Variants in MCM8 observed in about 807,000 individuals in gnomAD.
The protein encoded by MCM8 is DNA helicase MCM8.
MCM8 carries 85 observed loss-of-function variants against 98.9 expected under a neutral mutation model. The ratio of observed to expected loss-of-function variants is 0.86; its 90% CI spans 0.72 to 1.03. The LOEUF is 1.03. MCM8 is among the 50% of genes least tolerant of loss of function. The pLI, the probability that MCM8 is intolerant of heterozygous loss-of-function variation, is 0.00. For missense variants in MCM8, 951 were observed against 997.8 expected, an observed-to-expected ratio of 0.95 and a Z score of 0.63; for synonymous variants, 352 against 338.6, an observed-to-expected ratio of 1.04 and a Z score of -0.44.
chr20:5,981,001 T>C (rs926936935), intron 13 of MCM8, among the ~76,000 whole-genome samples: 15 of 152,106 alleles, frequency 9.9e-5, no homozygotes, highest in Admixed American at 8.5e-4. Context: ...TAAAACTGGC[T>C]TATATATTTT....
intron 16 of MCM8, among the ~76,000 whole-genome samples, chr20:5,986,559 T>C (rs949840233): frequency 1.3e-5 from 2 of 152,222 alleles, no homozygotes; most frequent in African/African-American, 4.8e-5. Context: ...TATTCACAGT[T>C]TGAAATACTA....
chr20:5,975,228 C>T (rs941782941), intron 12 of MCM8, among the ~76,000 whole-genome samples: 7 of 151,710 alleles, frequency 4.6e-5, no homozygotes, highest in African/African-American at 1.7e-4. Flanking sequence ...AACTGTACCC[C>T]AGCCTGGGCA....
At chr20:5,983,442 G>A (rs1197195692) in intron 14 of MCM8, among the ~76,000 whole-genome samples, 6 of 152,242 alleles carry the variant, frequency 3.9e-5, no homozygotes, top group East Asian at 1.9e-4. Flanking sequence ...GCTTATGCCT[G>A]TAATCCCAGC....
At position 5,972,045 on chromosome 20, in the gene MCM8, TTTTAC is replaced by T; in HGVS notation, c.1254+11_1254+15del. The stretch of plus-strand genomic sequence containing the variant: ...GTCATTTTTGGTCATGAAGTAAGTA[TTTTAC>T]TTCATCTTTACTCAAAAAGTATATA... On this transcript the variant is annotated intron_variant, in intron 11 of 18. Coordinates refer to ENST00000610722, the MANE Select transcript of MCM8 (RefSeq NM_032485.6). 1 of 1,602,718 alleles carries T rather than the reference TTTTAC, an allele frequency of 6.2e-7. No individual in the cohort carries two copies. The highest frequency in any genetic ancestry group is 1.1e-5 in the South Asian group (1 of 89,870).
At chr20:5,963,816 G>A (rs770282150) in intron 8 of MCM8, among the ~76,000 whole-genome samples, 3 of 152,144 alleles carry the variant, frequency 2.0e-5, no homozygotes, top group African/African-American at 2.4e-5. Flanking sequence ...GATTACAGGC[G>A]TGAGCCACCG....
At chr20:5,954,321 T>G (rs1376596461) in intron 3 of MCM8, among the ~76,000 whole-genome samples, 1 of 152,214 alleles carries the variant, frequency 6.6e-6, no homozygotes, top group Non-Finnish European at 1.5e-5. Flanking sequence ...GTCTAAATTA[T>G]CTGAACTAAC....
chr20:5,989,763 T>A (rs966986955), intron 17 of MCM8, among the ~76,000 whole-genome samples: 2 of 152,148 alleles, frequency 1.3e-5, no homozygotes, highest in South Asian at 4.1e-4. Flanking sequence ...GGCACCCATG[T>A]CACCTCCTGA....
intron 8 of MCM8, among the ~76,000 whole-genome samples, chr20:5,967,143 G>A (rs1348749002): frequency 6.6e-6 from 1 of 152,080 alleles, no homozygotes; most frequent in Non-Finnish European, 1.5e-5. Flanking sequence ...TTTACCATTT[G>A]CTGGTTTCAA....
At chr20:5,983,322 G>C (rs2089667402) in intron 14 of MCM8, among the ~76,000 whole-genome samples, 157 bp downstream of exon 14, 1 of 152,182 alleles carries the variant, frequency 6.6e-6, no homozygotes, top group South Asian at 2.1e-4. Flanking sequence ...AAACACTGCA[G>C]AGTAAAACAA....
In MCM8 at chr20:5,994,478, G is replaced by GAC. The variant is rs11472210; in HGVS notation, c.*131_*132dup. 71,808 of 380,632 alleles carry GAC rather than the reference G, an allele frequency of 0.19. 3,711 individuals carry two copies. The highest frequency in any genetic ancestry group is 0.22 in the African/African-American group (9,510 of 43,020). The allele number at this position is 380,632 out of a possible 1,614,324, so 23.6% of individuals were successfully genotyped here. A position where few individuals can be genotyped will look rare whatever the true frequency, so the allele number is the denominator to read the frequency against. ...ATATGCGTGCACGCACAGACAGACA[G>GAC]ACACACACACACACACACACACACA... On this transcript the variant is annotated 3_prime_UTR_variant, in exon 19 of 19. Transcript: ENST00000610722.
chr20:5,987,247 C>G, intron 16 of MCM8, 35 bp from the exon 17 acceptor site: 1 of 1,584,270 alleles, frequency 6.3e-7, no homozygotes, highest in Non-Finnish European at 8.6e-7. Flanking sequence ...ATATATTCAT[C>G]TTTCGTCATC....
intron 7 of MCM8, among the ~76,000 whole-genome samples, chr20:5,962,368 T>TC (rs2089169058): frequency 1.8e-5 from 1 of 55,640 alleles, no homozygotes; most frequent in East Asian, 7.5e-4. Context: ...TTTTTTTTTT[T>TC]TTTTTTTTTT....
chr20:5,976,493 T>A (rs1037564526), intron 12 of MCM8, among the ~76,000 whole-genome samples: 1 of 152,114 alleles, frequency 6.6e-6, no homozygotes, highest in African/African-American at 2.4e-5. Flanking sequence ...GAGGGGGGAT[T>A]TTAGCTGAAG....
At chr20:5,976,042 G>C (rs1378965665) in intron 12 of MCM8, among the ~76,000 whole-genome samples, 1 of 152,172 alleles carries the variant, frequency 6.6e-6, no homozygotes, top group African/African-American at 2.4e-5. Context: ...CAGGCTGGGT[G>C]CAGTGGCTCA....
intron 16 of MCM8, 146 bp from the exon 17 acceptor site, chr20:5,987,136 A>T: frequency 1.4e-6 from 1 of 695,892 alleles, no homozygotes; most frequent in Non-Finnish European, 2.4e-6. Flanking sequence ...CCAGAGAATT[A>T]CTTCCATATT....
intron 17 of MCM8, among the ~76,000 whole-genome samples, chr20:5,992,564 G>A (rs1468848509): frequency 1.3e-5 from 2 of 152,096 alleles, no homozygotes; most frequent in Non-Finnish European, 1.5e-5. Context: ...TATTTCAGAG[G>A]AAAACACTTA....
intron 10 of MCM8, among the ~76,000 whole-genome samples, chr20:5,969,593 CAAA>C (rs11364488): frequency 6.7e-5 from 7 of 104,664 alleles, no homozygotes; most frequent in African/African-American, 6.3e-5. Context: ...CTCTGTCTCA[CAAA>C]AAAAAAAAAA....
chr20:5,991,034 AG>A (rs1568601107), intron 17 of MCM8: 1 of 152,170 alleles, frequency 6.6e-6, no homozygotes, highest in Non-Finnish European at 1.5e-5. Flanking sequence ...GAGCAAACTA[AG>A]GGGTACACTA....
chr20:5,964,411 C>A (rs1043860986), intron 8 of MCM8: 2 of 152,274 alleles, frequency 1.3e-5, no homozygotes, highest in Non-Finnish European at 2.9e-5. Context: ...GAGATCTTTA[C>A]AAACACCCCA....
Sources: allele counts gnomAD v4.1 joint callset (sites outside exome capture counted in the v4.1 genomes callset), GRCh38; gene constraint gnomAD v4.1.1; transcripts MANE v1.5; gene names NCBI Gene and HGNC (gene_info 2026-07-23, HGNC 2026-07-21).